GLRA3: variants seen among roughly 807,000 people sequenced by gnomAD.
The protein encoded by GLRA3 is glycine receptor alpha 3, also known as glycine receptor subunit alpha-3.
In GLRA3, 44 loss-of-function variants were observed where a neutral mutation model predicts 60.4. The observed-to-expected ratio is 0.73, with a 90% confidence interval of 0.57 to 0.94. The LOEUF is 0.94. Ranked by LOEUF, GLRA3 falls within the 40% of genes least tolerant of loss-of-function variation. The probability of loss-of-function intolerance (pLI) is 0.00; values close to 1 mark genes in which losing one functional copy is unlikely to be tolerated. For missense variants in GLRA3, 508 were observed against 564.6 expected, an observed-to-expected ratio of 0.90 and a Z score of 1.02; for synonymous variants, 223 against 192.9, an observed-to-expected ratio of 1.16 and a Z score of -1.29.
chr4:174,655,415 G>C (rs894263771), intron 9 of GLRA3, among the ~76,000 whole-genome samples: 4 of 151,964 alleles, frequency 2.6e-5, no homozygotes, highest in African/African-American at 9.7e-5. Context: ...TTATATTATT[G>C]TTTCTTCTAT....
intron 1 of GLRA3, among the ~76,000 whole-genome samples, chr4:174,815,546 ATCC>A: frequency 6.6e-6 from 1 of 152,206 alleles, no homozygotes; most frequent in East Asian, 1.9e-4. Context: ...ATTTCCATAC[ATCC>A]TCTGAAATCT....
chr4:174,815,275 T>C (rs1164584954), intron 1 of GLRA3, among the ~76,000 whole-genome samples: 1 of 152,164 alleles, frequency 6.6e-6, no homozygotes, highest in Non-Finnish European at 1.5e-5. Flanking sequence ...GCTTTGTGGG[T>C]ATAGCCCCAC....
Position 174,656,801 on chromosome 4 carries a change from A to C in GLRA3, c.1072-14T>G. ...AAAAGCTTCTGTCTGTGGGAAGGTA[A>C]AGTGGACCAAGAGGAATTGAGAAAC... is the stretch of plus-strand genomic sequence containing the variant. On this transcript the variant is annotated splice_polypyrimidine_tract_variant and intron_variant, in intron 8 of 9. Transcript: ENST00000274093. 1 of 1,516,870 alleles carries C rather than the reference A, an allele frequency of 6.6e-7. No individual in the cohort carries two copies. Among genetic ancestry groups the C allele is most frequent in the Non-Finnish European group, 9.2e-7 (1 of 1,091,746 alleles). 94.0% of individuals were successfully genotyped at this position (1,516,870 alleles called of 1,614,324 possible).
intron 2 of GLRA3, among the ~76,000 whole-genome samples, chr4:174,776,816 G>A (rs1234350150): frequency 2.0e-5 from 3 of 152,134 alleles, no homozygotes; most frequent in South Asian, 2.1e-4. Context: ...TAGCACCTGC[G>A]TAGCAGCTTG....
At chr4:174,662,947 T>C (rs540556770) in intron 7 of GLRA3, among the ~76,000 whole-genome samples, 2 of 151,718 alleles carry the variant, frequency 1.3e-5, no homozygotes, top group Non-Finnish European at 2.9e-5. Context: ...GCTGAGTGAA[T>C]GGACAGATAA....
intron 5 of GLRA3, among the ~76,000 whole-genome samples, chr4:174,692,706 C>A (rs1286602959): frequency 6.6e-6 from 1 of 151,424 alleles, no homozygotes. Flanking sequence ...AAGGGCGGTG[C>A]AAGATGTGCT....
At position 174,643,930 on chromosome 4, in the gene GLRA3, C is replaced by T. The variant is rs748223691; in HGVS notation, c.1251G>A (p.Met417Ile). Residue 417 changes from methionine to isoleucine, a missense_variant, in exon 10 of 10, where the codon ATG (methionine) becomes ATA (isoleucine). Coordinates refer to ENST00000274093, the MANE Select transcript of GLRA3 (RefSeq NM_006529.4). ...TGGCCCGGTCGATAAAGACCTTCCTCATTTCATCAGGACTTTTTGGCATTA... is the reference window on the plus strand; with the variant it reads ...TGGCCCGGTCGATAAAGACCTTCCTTATTTCATCAGGACTTTTTGGCATTA... ...VQVMPKSPDE[M>I]RKVFIDRAKK... is the part of the protein sequence containing the mutation. The T allele has an allele frequency of 6.2e-7, 1 of 1,613,996 alleles. No individual in the cohort carries two copies. The highest frequency in any genetic ancestry group is 8.5e-7 in the Non-Finnish European group (1 of 1,179,906).
chr4:174,737,194 T>C (rs1052852480), intron 3 of GLRA3, among the ~76,000 whole-genome samples: 1 of 152,188 alleles, frequency 6.6e-6, no homozygotes, highest in Non-Finnish European at 1.5e-5. Context: ...CCAAAATAAA[T>C]AATGTGAACC....
chr4:174,670,351 T>C (rs1733858576), intron 7 of GLRA3, among the ~76,000 whole-genome samples: 2 of 152,168 alleles, frequency 1.3e-5, no homozygotes, highest in Admixed American at 1.3e-4. Flanking sequence ...AAACTTCAAA[T>C]AGGAATCATG....
intron 4 of GLRA3, among the ~76,000 whole-genome samples, chr4:174,717,790 T>C (rs561159073): frequency 1.0e-3 from 157 of 152,366 alleles, no homozygotes; most frequent in Non-Finnish European, 1.9e-3. Context: ...CAATGTTTTT[T>C]GCCTTGTGAA....
At chr4:174,664,961 T>A (rs1399687079) in intron 7 of GLRA3, among the ~76,000 whole-genome samples, 2 of 152,106 alleles carry the variant, frequency 1.3e-5, no homozygotes, top group Non-Finnish European at 2.9e-5. Context: ...TATACTCAAG[T>A]TAGAAAAACA....
intron 3 of GLRA3, among the ~76,000 whole-genome samples, chr4:174,759,299 T>C (rs1254679792): frequency 2.0e-5 from 3 of 150,022 alleles, no homozygotes; most frequent in South Asian, 2.1e-4. Flanking sequence ...ATCATGTTCT[T>C]ATGTATTGAC....
intron 3 of GLRA3, among the ~76,000 whole-genome samples, chr4:174,750,543 G>A (rs1279627586): frequency 1.3e-5 from 2 of 151,970 alleles, no homozygotes; most frequent in Non-Finnish European, 2.9e-5. Context: ...TAAATGAAAG[G>A]CCAGCATCTT....
chr4:174,733,792 GC>G (rs1325844327), intron 3 of GLRA3, among the ~76,000 whole-genome samples: 1 of 152,116 alleles, frequency 6.6e-6, no homozygotes, highest in Non-Finnish European at 1.5e-5. Context: ...GGGATGCTGT[GC>G]CTCTTGTCTC....
intron 3 of GLRA3, among the ~76,000 whole-genome samples, chr4:174,753,028 C>G (rs1737549454): frequency 6.6e-6 from 1 of 152,124 alleles, no homozygotes; most frequent in Admixed American, 6.6e-5. Context: ...AATAACTTCC[C>G]TTTTGTTTTA....
chr4:174,790,236 C>T (rs1739272291), intron 1 of GLRA3, among the ~76,000 whole-genome samples: 1 of 152,152 alleles, frequency 6.6e-6, no homozygotes. Context: ...TCGCTTTCTT[C>T]CAGAATGGAA....
chr4:174,676,000 T>G (rs564353155), intron 7 of GLRA3, among the ~76,000 whole-genome samples: 36 of 152,302 alleles, frequency 2.4e-4, no homozygotes, highest in Admixed American at 6.5e-4. Flanking sequence ...ATGATTTTAT[T>G]GCATTGAAGT....
At chr4:174,698,471 G>A (rs1056952736) in intron 5 of GLRA3, among the ~76,000 whole-genome samples, 15 of 152,094 alleles carry the variant, frequency 9.9e-5, no homozygotes, top group South Asian at 2.1e-4. Context: ...TTACAAGTGT[G>A]AGCCACCATG....
At chr4:174,784,389 G>C in intron 2 of GLRA3, among the ~76,000 whole-genome samples, 1 of 144,636 alleles carries the variant, frequency 6.9e-6, no homozygotes, top group Non-Finnish European at 1.5e-5. Flanking sequence ...AGTGGGTGCA[G>C]CACACCAGCA....
Sources: gnomAD v4.1 joint callset for allele counts (sites outside exome capture counted in the v4.1 genomes callset) on GRCh38, gnomAD v4.1.1 for gene constraint, MANE v1.5 for transcripts, NCBI Gene and HGNC (gene_info 2026-07-23, HGNC 2026-07-21) for gene names.